Variants in RGS6 observed in about 807,000 individuals in gnomAD.
RGS6 encodes regulator of G-protein signaling 6.
In RGS6, 30 loss-of-function variants were observed where a neutral mutation model predicts 78.5. The observed-to-expected ratio is 0.38, with a 90% confidence interval of 0.29 to 0.52. The LOEUF is 0.52. Among genes scored for constraint, RGS6 ranks in the 20% least tolerant of loss-of-function variants. The pLI is 0.85. For synonymous variants in RGS6, 206 were observed against 206.0 expected (o/e 1.00, Z 0.00); for missense variants, 495 against 609.7 (o/e 0.81, Z 1.98).
At chr14:72,249,759 GA>G (rs1015765890) in intron 2 of RGS6, among the ~76,000 whole-genome samples, 23 of 151,902 alleles carry the variant, frequency 1.5e-4, no homozygotes, top group East Asian at 5.8e-4. Context: ...GAAACTGTGA[GA>G]AAAAAAAGTA....
intron 2 of RGS6, among the ~76,000 whole-genome samples, chr14:71,994,186 C>T (rs1240497475): frequency 3.3e-5 from 5 of 152,056 alleles, no homozygotes; most frequent in African/African-American, 1.2e-4. Flanking sequence ...GTTCCGTCTA[C>T]TTGGGGTGTC....
At chr14:72,029,731 T>G (rs767575830) in intron 2 of RGS6, among the ~76,000 whole-genome samples, 1 of 152,176 alleles carries the variant, frequency 6.6e-6, no homozygotes, top group Non-Finnish European at 1.5e-5. Flanking sequence ...TCCCTTCATT[T>G]GGATAGAGGA....
At chr14:72,395,291 A>T (rs1033371716) in intron 3 of RGS6, among the ~76,000 whole-genome samples, 16 of 152,196 alleles carry the variant, frequency 1.1e-4, no homozygotes, top group African/African-American at 3.6e-4. Context: ...ACTTCATTTC[A>T]TACTCTTTCA....
intron 2 of RGS6, among the ~76,000 whole-genome samples, chr14:72,108,439 C>CT (rs2095680771): frequency 6.6e-6 from 1 of 151,656 alleles, no homozygotes. Context: ...TAAGTAGTTT[C>CT]TTTTTTTGTA....
At chr14:72,412,288 A>T (rs2093476989) in intron 3 of RGS6, among the ~76,000 whole-genome samples, 1 of 152,146 alleles carries the variant, frequency 6.6e-6, no homozygotes, top group African/African-American at 2.4e-5. Context: ...TTCCTGGTTT[A>T]GTCTTGGGAG....
At chr14:72,166,076 T>C (rs1385596613) in intron 2 of RGS6, among the ~76,000 whole-genome samples, 1 of 148,058 alleles carries the variant, frequency 6.8e-6, no homozygotes, top group Non-Finnish European at 1.5e-5. Flanking sequence ...AACCATCCCT[T>C]CTAGTCCCAT....
chr14:72,006,618 G>C (rs559387639), intron 2 of RGS6, among the ~76,000 whole-genome samples: 1 of 152,278 alleles, frequency 6.6e-6, no homozygotes, highest in South Asian at 2.1e-4. Context: ...TTACAGGCCT[G>C]GCCATCAGCT....
chr14:72,588,685 T>C, the RGS6 span, among the ~76,000 whole-genome samples: 1 of 152,200 alleles, frequency 6.6e-6, no homozygotes, highest in African/African-American at 2.4e-5. Flanking sequence ...TGACCACGCA[T>C]GTCACTGTTA....
intron 2 of RGS6, among the ~76,000 whole-genome samples, chr14:71,980,377 T>C (rs370193044): frequency 1.3e-5 from 2 of 151,710 alleles, no homozygotes; most frequent in Admixed American, 6.6e-5. Context: ...TACATTTTGG[T>C]ATGATTTTGC....
At chr14:72,446,798 C>T (rs902166490) in intron 3 of RGS6, among the ~76,000 whole-genome samples, 5 of 152,136 alleles carry the variant, frequency 3.3e-5, no homozygotes, top group South Asian at 2.1e-4. Flanking sequence ...TCATAAGGAG[C>T]GTGCAACCTA....
chr14:72,626,065 C>A, the RGS6 span, among the ~76,000 whole-genome samples: 5 of 152,328 alleles, frequency 3.3e-5, no homozygotes, highest in South Asian at 1.0e-3. Flanking sequence ...CTTCCTCACT[C>A]TTCGGTATAG....
At chr14:71,936,788 G>A (rs2089488974) in intron 1 of RGS6, among the ~76,000 whole-genome samples, 1 of 152,178 alleles carries the variant, frequency 6.6e-6, no homozygotes, top group South Asian at 2.1e-4. Context: ...ACACAAACAT[G>A]TTTTTAACAA....
Position 72,562,670 on chromosome 14 carries a change from G to A in RGS6, c.*203G>A. On this transcript the variant is annotated 3_prime_UTR_variant, in exon 18 of 18. Coordinates refer to ENST00000553525, the MANE Select transcript of RGS6 (RefSeq NM_001204424.2). ...GAAAGAGTCCACAGAGCCTGGGCTG[G>A]GCCCGGTGGAGGCTCCTGTTTACAG... The A allele has an allele frequency of 6.5e-7, 1 of 1,536,156 alleles. No individual in the cohort carries two copies. The highest frequency in any genetic ancestry group is 8.7e-7 in the Non-Finnish European group (1 of 1,146,916).
chr14:72,254,384 C>A lies in RGS6; in HGVS notation c.85-97711C>A, dbSNP rs1158477310. Among the ~76,000 whole-genome samples the A allele has an allele frequency of 2.6e-5, 4 of 152,258 alleles. No individual in the cohort carries two copies. In the South Asian group the frequency reaches 6.2e-4, roughly 24 times the overall value. ...CCTGTCTGCAGCACTGTTGGGGCCACGCCTCTTGTGCGATGGTTGGCTCAG... is the reference window on the plus strand; with the variant it reads ...CCTGTCTGCAGCACTGTTGGGGCCAAGCCTCTTGTGCGATGGTTGGCTCAG... On this transcript the variant is annotated intron_variant, in intron 2 of 17. Coordinates refer to ENST00000553525, the MANE Select transcript of RGS6 (RefSeq NM_001204424.2).
At chr14:71,977,919 T>G (rs1290756324) in intron 2 of RGS6, among the ~76,000 whole-genome samples, 1 of 151,776 alleles carries the variant, frequency 6.6e-6, no homozygotes, top group Non-Finnish European at 1.5e-5. Flanking sequence ...TCCATTTGTT[T>G]GTATCCTCTT....
rs1435453352 is a variant in RGS6 at position 72,269,129 on chromosome 14, C to A, written c.85-82966C>A. Among the ~76,000 whole-genome samples, 6 of 45,392 alleles carry A rather than the reference C, an allele frequency of 1.3e-4. No individual in the cohort carries two copies. In the East Asian group the frequency reaches 2.7e-3, roughly 20 times the overall value. 29.8% of individuals were successfully genotyped at this position (45,392 alleles called of 152,430 possible). On this transcript the variant is annotated intron_variant, in intron 2 of 17. Coordinates refer to ENST00000553525, the MANE Select transcript of RGS6 (RefSeq NM_001204424.2). ...TGTAAGATATACCCAGAATCTATTACCTCCGCCCCCCCACCACCCACCTTG... is the reference window on the plus strand; with the variant it reads ...TGTAAGATATACCCAGAATCTATTAACTCCGCCCCCCCACCACCCACCTTG...
At position 72,017,053 on chromosome 14, in the gene RGS6, C is replaced by CT. The variant is rs111429192; in HGVS notation, c.84+52185dup. Reference sequence around the variant, plus strand: ...TCTCATTTCTTTCTTTCATTTGTTCCTTTTTTTGAGATAAGATCTCCCAGG... The same window carrying CT: ...TCTCATTTCTTTCTTTCATTTGTTCCTTTTTTTTGAGATAAGATCTCCCAGG... On this transcript the variant is annotated intron_variant, in intron 2 of 17. Transcript: ENST00000553525. Among the ~76,000 whole-genome samples, 212 of 151,686 alleles carry CT rather than the reference C, an allele frequency of 1.4e-3. 2 individuals carry two copies. Among genetic ancestry groups the CT allele is most frequent in the African/African-American group, 3.8e-3 (156 of 41,330 alleles).
chr14:72,579,866 G>A, the RGS6 span, among the ~76,000 whole-genome samples: 4 of 152,184 alleles, frequency 2.6e-5, no homozygotes, highest in South Asian at 2.1e-4. Flanking sequence ...ATGTTAGTGT[G>A]GACTGGGGCC....
the RGS6 span, among the ~76,000 whole-genome samples, chr14:71,869,668 C>CT: frequency 1.3e-5 from 2 of 152,102 alleles, no homozygotes; most frequent in East Asian, 3.8e-4. Context: ...ATTAGGCAAC[C>CT]TTTTTTGCTG....
Sources: allele counts gnomAD v4.1 joint callset (sites outside exome capture counted in the v4.1 genomes callset), GRCh38; gene constraint gnomAD v4.1.1; transcripts MANE v1.5; gene names NCBI Gene and HGNC (gene_info 2026-07-23, HGNC 2026-07-21).